CCDC18: variants seen among roughly 807,000 people sequenced by gnomAD.
The protein encoded by CCDC18 is coiled-coil domain containing 18, also known as coiled-coil domain-containing protein 18.
CCDC18 carries 157 observed loss-of-function variants against 196.0 expected under a neutral mutation model. That is an observed-to-expected ratio of 0.80 (90% CI 0.70 to 0.91). CCDC18 has a LOEUF of 0.91. Among genes scored for constraint, CCDC18 ranks in the 40% least tolerant of loss-of-function variants. The probability of loss-of-function intolerance (pLI) is 0.00; values close to 1 mark genes in which losing one functional copy is unlikely to be tolerated. For missense variants in CCDC18, 1,465 were observed against 1,611.6 expected (o/e 0.91, Z 1.56); for synonymous variants, 482 against 529.2 (o/e 0.91, Z 1.22).
rs181665380 is a variant in CCDC18, at chr1:93,226,962, T to C, written c.2292+513T>C. Among the ~76,000 whole-genome samples the C allele has an allele frequency of 1.6e-3, 244 of 152,300 alleles. 1 individual carries two copies. The highest frequency in any genetic ancestry group is 5.5e-3 in the African/African-American group (229 of 41,582). Reference sequence around the variant, plus strand: ...ATATACCTTAAAATTCTAATTCTTTTATTTTTAGGGAATCAGAAGAATAAA... The same window carrying C: ...ATATACCTTAAAATTCTAATTCTTTCATTTTTAGGGAATCAGAAGAATAAA... On this transcript the variant is annotated intron_variant, in intron 17 of 28. Coordinates refer to ENST00000690025, the MANE Select transcript of CCDC18 (RefSeq NM_001378204.1).
At chr1:93,208,119 G>T (rs12404947) in intron 9 of CCDC18, among the ~76,000 whole-genome samples, 13,279 of 152,042 alleles carry the variant, frequency 0.087, 659 homozygotes, top group African/African-American at 0.12. Context: ...CATTTCTCTT[G>T]GGTAGATACC....
intron 4 of CCDC18, chr1:93,190,626 A>G (rs1651589272): frequency 3.8e-6 from 1 of 265,516 alleles, no homozygotes; most frequent in African/African-American, 2.2e-5. Flanking sequence ...TTTTGTAGGG[A>G]AACACCTGCC....
chr1:93,203,127 A>T (rs933554748), intron 7 of CCDC18, among the ~76,000 whole-genome samples: 2 of 152,190 alleles, frequency 1.3e-5, no homozygotes, highest in Non-Finnish European at 2.9e-5. Flanking sequence ...GATATTGAAG[A>T]TGAAGGAGCT....
At chr1:93,208,722 A>G (rs1042569678) in intron 9 of CCDC18, among the ~76,000 whole-genome samples, 1 of 152,056 alleles carries the variant, frequency 6.6e-6, no homozygotes, top group Non-Finnish European at 1.5e-5. Flanking sequence ...GCTGGAGTGC[A>G]GTGGTGCCAT....
At chr1:93,203,156 G>A (rs1396729084) in intron 7 of CCDC18, among the ~76,000 whole-genome samples, 1 of 152,128 alleles carries the variant, frequency 6.6e-6, no homozygotes, top group African/African-American at 2.4e-5. Flanking sequence ...AGCTATGAGG[G>A]ATGTTAAAGT....
At position 93,208,190 on chromosome 1, in the gene CCDC18, A is replaced by G. The variant is rs983147596; in HGVS notation, c.1209+792A>G. Among the ~76,000 whole-genome samples the G allele has an allele frequency of 2.6e-5, 4 of 152,304 alleles. No individual in the cohort carries two copies. In the East Asian group the frequency reaches 7.7e-4, roughly 29 times the overall value. On this transcript the variant is annotated intron_variant, in intron 9 of 28. Transcript: ENST00000690025. The stretch of plus-strand genomic sequence containing the variant: ...TTCCAAACTGTTTTCCAAAATGTCT[A>G]CACTATTTTACATTCTCACCAGCAA...
At chr1:93,182,893 C>G (rs1649971121) in intron 1 of CCDC18, among the ~76,000 whole-genome samples, 1 of 152,098 alleles carries the variant, frequency 6.6e-6, no homozygotes, top group African/African-American at 2.4e-5. Context: ...AAAGTTCAAA[C>G]ACCTCATATT....
intron 28 of CCDC18, chr1:93,271,409 G>T (rs1665247488): frequency 2.0e-6 from 2 of 985,108 alleles, no homozygotes; most frequent in Non-Finnish European, 1.2e-6. Context: ...CTTTTTTAGA[G>T]AGAAATTCTT....
chr1:93,218,794 G>A (rs1280057322), intron 14 of CCDC18, among the ~76,000 whole-genome samples: 2 of 151,924 alleles, frequency 1.3e-5, no homozygotes, highest in African/African-American at 2.4e-5. Context: ...GCAGAGGTGT[G>A]AGCCACTGCG....
intron 25 of CCDC18, among the ~76,000 whole-genome samples, chr1:93,257,949 T>C (rs1343923551): frequency 6.6e-6 from 1 of 151,902 alleles, no homozygotes; most frequent in Non-Finnish European, 1.5e-5. Context: ...TACCTAGTCT[T>C]TCTCACATAA....
In CCDC18 at chr1:93,217,827, T is replaced by C. The variant is rs1325155124; in HGVS notation, c.1920T>C (p.Ile640=). ...TAGCCTTTGAAAAAGCAAAGAAAATTCACTTGGAACAGCATAAAGAAATGG... is the reference window on the plus strand; with the variant it reads ...TAGCCTTTGAAAAAGCAAAGAAAATCCACTTGGAACAGCATAAAGAAATGG... ...ICLAFEKAKK[I]HLEQHKEMEK... Residue 640 remains isoleucine, a synonymous_variant, in exon 14 of 29, where the codon ATT becomes ATC. Coordinates refer to ENST00000690025, the MANE Select transcript of CCDC18 (RefSeq NM_001378204.1). The C allele has an allele frequency of 2.5e-6, 4 of 1,612,742 alleles. No homozygotes were observed. The highest frequency in any genetic ancestry group is 3.3e-5 in the Admixed American group (2 of 60,000).
intron 28 of CCDC18, chr1:93,271,300 C>A: frequency 1.0e-6 from 1 of 985,212 alleles, no homozygotes. Flanking sequence ...TGAATAAGGC[C>A]AACTGTCCTC....
chr1:93,204,615 C>T (rs1334899087), intron 7 of CCDC18, among the ~76,000 whole-genome samples: 1 of 151,926 alleles, frequency 6.6e-6, no homozygotes, highest in Non-Finnish European at 1.5e-5. Context: ...GGAGAAGTTA[C>T]CAACAATATT....
In CCDC18 at chr1:93,203,581, A is replaced by G. The variant is rs187542480; in HGVS notation, c.795+1593A>G. Among the ~76,000 whole-genome samples, 8 of 152,338 alleles carry G rather than the reference A, an allele frequency of 5.3e-5. No homozygotes were observed. In the East Asian group the frequency reaches 1.5e-3, roughly 29 times the overall value. ...AGTGATTTAAAAAAATTAGAGAATC[A>G]GGAAAGTATAATAAGAAAAGCCAAG... On this transcript the variant is annotated intron_variant, in intron 7 of 28. Transcript: ENST00000690025.
intron 6 of CCDC18, chr1:93,199,899 A>C (rs1171531152): frequency 6.6e-6 from 1 of 152,666 alleles, no homozygotes; most frequent in Non-Finnish European, 1.5e-5. Context: ...CAGCCCCAGT[A>C]TGAGCATCTA....
chr1:93,266,970 G>A (rs28829343), intron 27 of CCDC18, among the ~76,000 whole-genome samples: 13,572 of 152,094 alleles, frequency 0.089, 1,991 homozygotes, highest in African/African-American at 0.31. Context: ...CTGATACCAA[G>A]GCCTGGCAGA....
At chr1:93,211,066 G>A in intron 10 of CCDC18, 140 bp downstream of exon 10, 1 of 770,794 alleles carries the variant, frequency 1.3e-6, no homozygotes, top group Non-Finnish European at 2.1e-6. Context: ...CACGAGGTCA[G>A]GAGTTCGAGA....
At chr1:93,268,666 C>T (rs1287917390) in intron 27 of CCDC18, among the ~76,000 whole-genome samples, 1 of 151,620 alleles carries the variant, frequency 6.6e-6, no homozygotes, top group Non-Finnish European at 1.5e-5. Context: ...CCAACAGACA[C>T]ATGAAAAAAT....
chr1:93,218,215 A>T (rs1656811324), intron 14 of CCDC18, among the ~76,000 whole-genome samples: 1 of 152,142 alleles, frequency 6.6e-6, no homozygotes. Context: ...AAAATTTGAG[A>T]CCAAAAATGC....
Sources: gnomAD v4.1 joint callset for allele counts (sites outside exome capture counted in the v4.1 genomes callset) on GRCh38, gnomAD v4.1.1 for gene constraint, MANE v1.5 for transcripts, NCBI Gene and HGNC (gene_info 2026-07-23, HGNC 2026-07-21) for gene names.